Variants in TMCO4 observed in about 807,000 individuals in gnomAD.
TMCO4 encodes the protein transmembrane and coiled-coil domain-containing protein 4.
TMCO4 carries 58 observed loss-of-function variants against 64.7 expected under a neutral mutation model. That is an observed-to-expected ratio of 0.90 (90% CI 0.73 to 1.12). The LOEUF is 1.12. TMCO4 is among the 50% of genes most tolerant of loss of function. The probability of loss-of-function intolerance (pLI) is 0.00; values close to 1 mark genes in which losing one functional copy is unlikely to be tolerated. For missense variants in TMCO4, 780 were observed against 825.9 expected (o/e 0.94, Z 0.68); for synonymous variants, 325 against 346.1 (o/e 0.94, Z 0.68).
chr1:19,693,734 C>T (rs890136432), intron 15 of TMCO4, among the ~76,000 whole-genome samples: 3 of 152,162 alleles, frequency 2.0e-5, no homozygotes, highest in Non-Finnish European at 2.9e-5. Flanking sequence ...CCAGATGTCC[C>T]GCTCTGCATC....
At chr1:19,789,247 C>T (rs566216615) in intron 2 of TMCO4, among the ~76,000 whole-genome samples, 3 of 151,512 alleles carry the variant, frequency 2.0e-5, no homozygotes, top group Non-Finnish European at 2.9e-5. Context: ...ACTAAAAATA[C>T]GAAAATTAGC....
chr1:19,750,692 C>A (rs946896281), intron 7 of TMCO4, among the ~76,000 whole-genome samples: 6 of 152,232 alleles, frequency 3.9e-5, no homozygotes, highest in Admixed American at 2.6e-4. Context: ...CACTTCCTCA[C>A]TGACACATCA....
chr1:19,738,836 A>G (rs2095467116), intron 12 of TMCO4, among the ~76,000 whole-genome samples: 1 of 152,238 alleles, frequency 6.6e-6, no homozygotes, highest in African/African-American at 2.4e-5. Context: ...AATAAATACT[A>G]TATTTCCCAG....
At chr1:19,790,955 A>G (rs972716716) in intron 2 of TMCO4, among the ~76,000 whole-genome samples, 12 of 152,230 alleles carry the variant, frequency 7.9e-5, no homozygotes, top group Admixed American at 2.6e-4. Context: ...TGGTACATAT[A>G]CACCATGGAA....
At chr1:19,785,973 T>C (rs1339797957) in intron 3 of TMCO4, among the ~76,000 whole-genome samples, 4 of 152,108 alleles carry the variant, frequency 2.6e-5, no homozygotes, top group Non-Finnish European at 4.4e-5. Flanking sequence ...ACACAGACAA[T>C]GGTGGCTGGG....
At chr1:19,718,743 A>G (rs2095368599) in intron 13 of TMCO4, among the ~76,000 whole-genome samples, 1 of 151,644 alleles carries the variant, frequency 6.6e-6, no homozygotes, top group African/African-American at 2.4e-5. Flanking sequence ...AAGAAGAACG[A>G]GACGGACTCT....
intron 14 of TMCO4, among the ~76,000 whole-genome samples, chr1:19,696,313 G>T (rs191603352): frequency 1.3e-5 from 2 of 152,302 alleles, no homozygotes; most frequent in Non-Finnish European, 2.9e-5. Flanking sequence ...ATTTTGGGAG[G>T]CTGAGGTGGG....
chr1:19,725,449 C>G (rs2100760932), intron 13 of TMCO4, among the ~76,000 whole-genome samples: 2 of 152,296 alleles, frequency 1.3e-5, no homozygotes, highest in East Asian at 3.9e-4. Context: ...AGTTTGCTTT[C>G]CAACTACTTA....
rs574581882 is a variant in TMCO4 at position 19,739,876 on chromosome 1, C to T, written c.1127G>A (p.Arg376Gln). The T allele has an allele frequency of 7.4e-6, 12 of 1,613,966 alleles. No individual in the cohort carries two copies. Among genetic ancestry groups the T allele is most frequent in the East Asian group, 4.5e-5 (2 of 44,856 alleles). The change falls in exon 12 of 16, where the codon CGA becomes CAA. Residue 376 changes from arginine (R) to glutamine (Q), a missense_variant. Physicochemically the swap from Arg to Gln is conservative, Grantham distance 43. Transcript: ENST00000294543. ...CAGGTGCTTGCCAACCTCTGCTGAT[C>T]GATGGAGACACACCCCCCAGGGGTT... ...IDNPWGVCLH[R>Q]SAEVGKHLAH...
At chr1:19,746,422 T>C (rs2041783099) in intron 9 of TMCO4, 34 bp downstream of exon 9, 1 of 1,611,218 alleles carries the variant, frequency 6.2e-7, no homozygotes, top group Non-Finnish European at 8.5e-7. Context: ...TGGCTGAAAA[T>C]TCCTCTGAAC....
chr1:19,725,779 G>A (rs1570772378), intron 13 of TMCO4, among the ~76,000 whole-genome samples: 1 of 152,344 alleles, frequency 6.6e-6, no homozygotes, highest in East Asian at 1.9e-4. Flanking sequence ...GGTTTTGAGT[G>A]GGCAGAGTCG....
intron 3 of TMCO4, among the ~76,000 whole-genome samples, chr1:19,784,353 G>A (rs190994137): frequency 3.9e-5 from 6 of 152,222 alleles, no homozygotes; most frequent in African/African-American, 1.4e-4. Flanking sequence ...GGCCAACATA[G>A]TGAAACCCCG....
chr1:19,744,170 C>G (rs1185066066), intron 10 of TMCO4, among the ~76,000 whole-genome samples: 1 of 151,712 alleles, frequency 6.6e-6, no homozygotes, highest in Non-Finnish European at 1.5e-5. Context: ...TTTAGGATTC[C>G]CGCACCCACC....
At chr1:19,731,889 C>G (rs1188792057) in intron 13 of TMCO4, among the ~76,000 whole-genome samples, 1 of 152,166 alleles carries the variant, frequency 6.6e-6, no homozygotes, top group East Asian at 1.9e-4. Context: ...TCTTTTGTTT[C>G]CAACTCCCCA....
At chr1:19,727,405 C>G (rs1257921376) in intron 13 of TMCO4, among the ~76,000 whole-genome samples, 1 of 152,210 alleles carries the variant, frequency 6.6e-6, no homozygotes, top group Non-Finnish European at 1.5e-5. Flanking sequence ...CACCACTCTG[C>G]AAAACCCAAC....
chr1:19,690,866 CTTTT>C (rs34764589), intron 15 of TMCO4, among the ~76,000 whole-genome samples: 2 of 111,286 alleles, frequency 1.8e-5, no homozygotes, highest in Non-Finnish European at 3.6e-5. Flanking sequence ...TGTGAAGACT[CTTTT>C]TTTTTTTTTT....
chr1:19,756,291 C>A (rs1250394096), intron 6 of TMCO4, among the ~76,000 whole-genome samples: 1 of 151,940 alleles, frequency 6.6e-6, no homozygotes, highest in Non-Finnish European at 1.5e-5. Context: ...CAGTCAAATG[C>A]GCAAAGATCA....
At chr1:19,716,943 A>G (rs1418706097) in intron 13 of TMCO4, among the ~76,000 whole-genome samples, 2 of 152,046 alleles carry the variant, frequency 1.3e-5, no homozygotes, top group Admixed American at 1.3e-4. Flanking sequence ...ATCCCAGCAC[A>G]CTGGAGGCCG....
At chr1:19,745,750 T>C (rs2041746863) in intron 9 of TMCO4, 99 bp from the exon 10 acceptor site, 4 of 1,431,086 alleles carry the variant, frequency 2.8e-6, no homozygotes, top group Middle Eastern at 1.8e-4. Flanking sequence ...GTGAGCACCA[T>C]CTGTGTGCCC....
Sources: allele counts gnomAD v4.1 joint callset (sites outside exome capture counted in the v4.1 genomes callset), GRCh38; gene constraint gnomAD v4.1.1; transcripts MANE v1.5; gene names NCBI Gene and HGNC (gene_info 2026-07-23, HGNC 2026-07-21).